The following KCNK2 variants were observed in gnomAD, a reference collection of about 807,000 sequenced individuals.
KCNK2 encodes the protein potassium two pore domain channel subfamily K member 2.
In KCNK2, 21 loss-of-function variants were observed where a neutral mutation model predicts 40.5. The observed-to-expected ratio is 0.52, with a 90% CI of 0.37 to 0.75. The LOEUF is 0.75. Ranked by LOEUF, KCNK2 falls within the 30% of genes least tolerant of loss-of-function variation. The pLI, the probability that KCNK2 is intolerant of heterozygous loss-of-function variation, is 0.00. For synonymous variants in KCNK2, 191 were observed against 202.2 expected, an observed-to-expected ratio of 0.94 and a Z score of 0.47; for missense variants, 399 against 531.6, an observed-to-expected ratio of 0.75 and a Z score of 2.45.
intron 1 of KCNK2, among the ~76,000 whole-genome samples, chr1:215,047,842 A>G (rs557946798): frequency 6.6e-6 from 1 of 152,200 alleles, no homozygotes; most frequent in South Asian, 2.1e-4. Flanking sequence ...TATAGATAGA[A>G]CTCTGTGAAT....
chr1:215,196,712 G>C (rs1215024138), intron 6 of KCNK2, among the ~76,000 whole-genome samples: 1 of 152,004 alleles, frequency 6.6e-6, no homozygotes, highest in Non-Finnish European at 1.5e-5. Context: ...GGCGGTGGGA[G>C]ATGGGAGAGA....
chr1:215,044,470 A>G (rs766572772), intron 1 of KCNK2, among the ~76,000 whole-genome samples: 2 of 152,092 alleles, frequency 1.3e-5, no homozygotes, highest in African/African-American at 2.4e-5. Context: ...CTGGATTTGC[A>G]TGTTAGTTCT....
At chr1:215,079,746 C>A (rs1659083065), upstream of KCNK2, among the ~76,000 whole-genome samples, 1 of 152,184 alleles carries the variant, frequency 6.6e-6, no homozygotes, top group Non-Finnish European at 1.5e-5. Context: ...CCTCCAGCTG[C>A]AATGACATAC....
intron 1 of KCNK2, among the ~76,000 whole-genome samples, chr1:215,054,374 A>G (rs1658085445): frequency 6.6e-6 from 1 of 152,200 alleles, no homozygotes; most frequent in Non-Finnish European, 1.5e-5. Context: ...AAAACTGGTG[A>G]GAGTTTTTCA....
At chr1:215,148,464 A>G (rs1474165094) in intron 3 of KCNK2, among the ~76,000 whole-genome samples, 3 of 152,134 alleles carry the variant, frequency 2.0e-5, no homozygotes, top group Non-Finnish European at 4.4e-5. Context: ...AAAAATGAGT[A>G]CAAGTAATTA....
At chr1:215,181,112 G>T (rs747102330) in intron 5 of KCNK2, among the ~76,000 whole-genome samples, 57 of 152,192 alleles carry the variant, frequency 3.7e-4, no homozygotes, top group Non-Finnish European at 6.8e-4. Context: ...AAAGATTAGA[G>T]TTCAAGCTCT....
intron 1 of KCNK2, among the ~76,000 whole-genome samples, chr1:215,034,230 G>A (rs768390506): frequency 6.6e-6 from 1 of 152,100 alleles, no homozygotes; most frequent in Non-Finnish European, 1.5e-5. Context: ...GAAACTGGAA[G>A]TTCATGTTTT....
At chr1:215,095,042 A>G (rs1295870563) in intron 2 of KCNK2, among the ~76,000 whole-genome samples, 1 of 152,118 alleles carries the variant, frequency 6.6e-6, no homozygotes, top group Non-Finnish European at 1.5e-5. Flanking sequence ...ACCAATGTAG[A>G]TCTGTCAATA....
At chr1:215,115,115 C>G (rs529643936) in intron 2 of KCNK2, among the ~76,000 whole-genome samples, 27 of 151,972 alleles carry the variant, frequency 1.8e-4, no homozygotes, top group African/African-American at 6.3e-4. Flanking sequence ...TCTGGAAGGA[C>G]AGGAAAAAAT....
chr1:215,207,507 T>C (rs916649565), intron 6 of KCNK2, among the ~76,000 whole-genome samples: 3 of 152,216 alleles, frequency 2.0e-5, no homozygotes, highest in Non-Finnish European at 4.4e-5. Context: ...CTGGCTGTCT[T>C]AGTCTGAAGC....
intron 3 of KCNK2, among the ~76,000 whole-genome samples, chr1:215,156,423 C>T (rs1662927670): frequency 6.6e-6 from 1 of 152,128 alleles, no homozygotes; most frequent in South Asian, 2.1e-4. Flanking sequence ...CATCTAAATT[C>T]CAGAGGCCTT....
At chr1:215,007,592 C>T (rs951411190) in intron 1 of KCNK2, among the ~76,000 whole-genome samples, 2 of 151,980 alleles carry the variant, frequency 1.3e-5, no homozygotes, top group Non-Finnish European at 2.9e-5. Flanking sequence ...CTTCTCATAT[C>T]ACTTAGTATA....
chr1:215,078,193 T>G (rs1312765996), upstream of KCNK2, among the ~76,000 whole-genome samples: 3 of 152,224 alleles, frequency 2.0e-5, no homozygotes, highest in African/African-American at 7.2e-5. Context: ...TTCAAAGCCA[T>G]CCTGGGCTGC....
intron 1 of KCNK2, among the ~76,000 whole-genome samples, chr1:215,011,069 C>T (rs944730033): frequency 5.3e-5 from 8 of 150,628 alleles, no homozygotes; most frequent in South Asian, 2.1e-4. Context: ...ATTTTTTGTG[C>T]GTATAGTTCT....
chr1:215,196,418 T>C (rs536774491), intron 6 of KCNK2, among the ~76,000 whole-genome samples: 43 of 152,268 alleles, frequency 2.8e-4, no homozygotes, highest in African/African-American at 1.0e-3. Context: ...ATACCCAAGG[T>C]GCCTGTGTGA....
intron 5 of KCNK2, among the ~76,000 whole-genome samples, chr1:215,186,327 C>A (rs1664438312): frequency 6.6e-6 from 1 of 151,998 alleles, no homozygotes; most frequent in Non-Finnish European, 1.5e-5. Context: ...GGGAGGAGGT[C>A]TTGCTGCGGT....
At chr1:215,121,489 G>T (rs1329649949) in intron 2 of KCNK2, among the ~76,000 whole-genome samples, 1 of 152,092 alleles carries the variant, frequency 6.6e-6, no homozygotes, top group East Asian at 1.9e-4. Context: ...TGCCCAGGCT[G>T]GTCTCCAACT....
chr1:215,200,764 G>A (rs1472316940), intron 6 of KCNK2, among the ~76,000 whole-genome samples: 1 of 152,110 alleles, frequency 6.6e-6, no homozygotes, highest in African/African-American at 2.4e-5. Flanking sequence ...ACAGAATTTG[G>A]TAACCCATTA....
At chr1:215,041,947 A>G (rs943423809) in intron 1 of KCNK2, among the ~76,000 whole-genome samples, 3 of 152,172 alleles carry the variant, frequency 2.0e-5, no homozygotes, top group Admixed American at 6.5e-5. Context: ...TCATGGCAAA[A>G]GGGGAAGGAG....
Sources: gnomAD v4.1 joint callset for allele counts (sites outside exome capture counted in the v4.1 genomes callset) on GRCh38, gnomAD v4.1.1 for gene constraint, MANE v1.5 for transcripts, NCBI Gene and HGNC (gene_info 2026-07-23, HGNC 2026-07-21) for gene names.